EPC2: variants seen among roughly 807,000 people sequenced by gnomAD.
The protein encoded by EPC2 is enhancer of polycomb homolog 2.
EPC2 carries 14 observed loss-of-function variants against 92.1 expected under a neutral mutation model. That is an observed-to-expected ratio of 0.15 (90% CI 0.10 to 0.24). EPC2 has a LOEUF of 0.24. Ranked by LOEUF, EPC2 falls within the 10% of genes least tolerant of loss-of-function variation. EPC2 has a pLI of 1.00. For synonymous variants in EPC2, 340 were observed against 334.7 expected, an observed-to-expected ratio of 1.02 and a Z score of -0.17; for missense variants, 755 against 971.5, an observed-to-expected ratio of 0.78 and a Z score of 2.96.
intron 1 of EPC2, among the ~76,000 whole-genome samples, chr2:148,673,655 C>T (rs1207962279): frequency 1.3e-5 from 2 of 152,146 alleles, no homozygotes; most frequent in Non-Finnish European, 2.9e-5. Flanking sequence ...GCGATCTCGG[C>T]TCACTGCAGC....
rs142444530 is a variant in EPC2 at position 148,668,381 on chromosome 2, C to T, written c.154-21833C>T. Reference sequence around the variant, plus strand: ...GTGATTGCATTTCAGTTCATAAATACGTATTTGTCTGTAGTTTTCTTTCCT... The same window carrying T: ...GTGATTGCATTTCAGTTCATAAATATGTATTTGTCTGTAGTTTTCTTTCCT... On this transcript the variant is annotated intron_variant, in intron 1 of 13. Transcript: ENST00000258484. 2.1e-3 allele frequency among the ~76,000 whole-genome samples: 319 copies of T among 152,202 alleles called. 2 individuals are homozygous for T. The highest frequency in any genetic ancestry group is 6.8e-3 in the Middle Eastern group (2 of 294).
chr2:148,686,028 AG>A (rs1407601874), intron 1 of EPC2, among the ~76,000 whole-genome samples: 1 of 152,226 alleles, frequency 6.6e-6, no homozygotes, highest in African/African-American at 2.4e-5. Context: ...TCTTATAATA[AG>A]ACAATAGTGA....
intron 2 of EPC2, among the ~76,000 whole-genome samples, chr2:148,728,479 A>C (rs573665936): frequency 6.6e-5 from 10 of 151,916 alleles, no homozygotes; most frequent in Non-Finnish European, 1.3e-4. Context: ...CACATTGCTC[A>C]TATTTGAAAT....
intron 2 of EPC2, among the ~76,000 whole-genome samples, chr2:148,740,673 T>TC (rs1682865292): frequency 6.6e-6 from 1 of 152,168 alleles, no homozygotes; most frequent in Admixed American, 6.5e-5. Context: ...TAGGTAGGTG[T>TC]ATAAAAGATG....
intron 2 of EPC2, among the ~76,000 whole-genome samples, chr2:148,710,391 A>T (rs888918306): frequency 6.6e-6 from 1 of 152,244 alleles, no homozygotes; most frequent in African/African-American, 2.4e-5. Context: ...ACACTTTTAC[A>T]CTGTTGGTGG....
At chr2:148,658,325 G>A (rs552002816) in intron 1 of EPC2, among the ~76,000 whole-genome samples, 2 of 152,042 alleles carry the variant, frequency 1.3e-5, no homozygotes, top group Non-Finnish European at 2.9e-5. Context: ...GGCACCTTTA[G>A]ACAGTGAAAT....
At chr2:148,670,133 C>T (rs573147297) in intron 1 of EPC2, among the ~76,000 whole-genome samples, 1 of 152,192 alleles carries the variant, frequency 6.6e-6, no homozygotes, top group Non-Finnish European at 1.5e-5. Flanking sequence ...ATGAAGCCTT[C>T]TGCCTCAGTT....
intron 1 of EPC2, among the ~76,000 whole-genome samples, chr2:148,665,815 TAAC>T (rs1681044771): frequency 6.6e-6 from 1 of 152,188 alleles, no homozygotes; most frequent in African/African-American, 2.4e-5. Flanking sequence ...TAAAATTTAA[TAAC>T]AGCTGTTTTT....
At chr2:148,783,424 T>C (rs1417132522) in intron 11 of EPC2, among the ~76,000 whole-genome samples, 173 bp from the exon 12 acceptor site, 1 of 152,244 alleles carries the variant, frequency 6.6e-6, no homozygotes, top group African/African-American at 2.4e-5. Flanking sequence ...TTTTTGTTCG[T>C]TTCCCTGCTT....
chr2:148,700,924 TGC>T (rs923712955), intron 2 of EPC2, among the ~76,000 whole-genome samples: 107 of 152,330 alleles, frequency 7.0e-4, no homozygotes, highest in African/African-American at 2.5e-3. Flanking sequence ...GGAATATCTC[TGC>T]ATTTTTTTAT....
chr2:148,713,859 A>G (rs529019033), intron 2 of EPC2, among the ~76,000 whole-genome samples: 2 of 152,336 alleles, frequency 1.3e-5, no homozygotes, highest in South Asian at 2.1e-4. Flanking sequence ...TGTTCCCACA[A>G]TGAATGAAAT....
intron 2 of EPC2, among the ~76,000 whole-genome samples, chr2:148,734,882 A>T (rs1682721086): frequency 6.8e-6 from 1 of 146,616 alleles, no homozygotes; most frequent in Non-Finnish European, 1.5e-5. Flanking sequence ...GATCTTATTT[A>T]TTGCTGAGTA....
intron 2 of EPC2, chr2:148,691,743 C>A: frequency 1.0e-6 from 1 of 958,176 alleles, no homozygotes; most frequent in Non-Finnish European, 1.6e-6. Context: ...AGGTTCAGTT[C>A]TCAGGAAGAT....
rs1168257662 is a variant in EPC2 at position 148,658,607 on chromosome 2, G to GTGTATATATATA, written c.153+13438_153+13439insGTATATATATAT. Among the ~76,000 whole-genome samples, 19 of 141,320 alleles carry GTGTATATATATA rather than the reference G, an allele frequency of 1.3e-4. No individual in the cohort carries two copies. The East Asian group carries it at 1.5e-3, about 11-fold the overall frequency. The allele number at this position is 141,320 out of a possible 152,430, so 92.7% of individuals were successfully genotyped here. On this transcript the variant is annotated intron_variant, in intron 1 of 13. Transcript: ENST00000258484. ...ATGAAGATTAGCTGTGTGTGTGTGT[G>GTGTATATATATA]TATATATATATATATATATATATAT...
intron 3 of EPC2, among the ~76,000 whole-genome samples, chr2:148,749,319 C>A (rs1683043061): frequency 6.6e-6 from 1 of 152,100 alleles, no homozygotes; most frequent in Non-Finnish European, 1.5e-5. Flanking sequence ...CCTGATTCAC[C>A]AGTACTTCTG....
At chr2:148,712,896 A>C (rs1381562215) in intron 2 of EPC2, among the ~76,000 whole-genome samples, 2 of 151,968 alleles carry the variant, frequency 1.3e-5, no homozygotes, top group African/African-American at 4.8e-5. Context: ...AAGGAAAAGC[A>C]AAAGTATAGC....
chr2:148,761,345 C>A (rs933665981), intron 4 of EPC2, among the ~76,000 whole-genome samples: 5 of 152,138 alleles, frequency 3.3e-5, no homozygotes, highest in Non-Finnish European at 7.4e-5. Flanking sequence ...ACCATCCAGC[C>A]CCCAGTTACA....
At chr2:148,701,540 G>A (rs1330527472) in intron 2 of EPC2, among the ~76,000 whole-genome samples, 2 of 152,158 alleles carry the variant, frequency 1.3e-5, no homozygotes, top group Non-Finnish European at 2.9e-5. Context: ...TTTAGTCGAT[G>A]AAGTGGATTA....
intron 3 of EPC2, among the ~76,000 whole-genome samples, chr2:148,744,418 T>C (rs896061675): frequency 3.3e-5 from 5 of 152,110 alleles, no homozygotes; most frequent in Non-Finnish European, 1.5e-5. Flanking sequence ...AAGATGTCTC[T>C]GAGGTAGACT....
Sources: gnomAD v4.1 joint callset for allele counts (sites outside exome capture counted in the v4.1 genomes callset) on GRCh38, gnomAD v4.1.1 for gene constraint, MANE v1.5 for transcripts, NCBI Gene and HGNC (gene_info 2026-07-23, HGNC 2026-07-21) for gene names.